PCDH15: variants seen among roughly 807,000 people sequenced by gnomAD.
PCDH15 encodes the protein protocadherin related 15.
In PCDH15, 129 loss-of-function variants were observed where a neutral mutation model predicts 178.5. The observed-to-expected ratio is 0.72, with a 90% CI of 0.63 to 0.84. The LOEUF (loss-of-function observed/expected upper bound fraction) is 0.84. Ranked by LOEUF, PCDH15 falls within the 40% of genes least tolerant of loss-of-function variation. The pLI is 0.00. For missense variants in PCDH15, 2,230 were observed against 2,099.9 expected (o/e 1.06, Z -1.21); for synonymous variants, 800 against 732.0 (o/e 1.09, Z -1.50).
intron 1 of PCDH15, among the ~76,000 whole-genome samples, chr10:55,219,764 G>T (rs1366837388): frequency 6.6e-6 from 1 of 151,692 alleles, no homozygotes; most frequent in East Asian, 1.9e-4. Context: ...CTAACATAAT[G>T]TAATTGTTTA....
chr10:54,037,964 G>A (rs1017516370), intron 18 of PCDH15, among the ~76,000 whole-genome samples: 4 of 151,928 alleles, frequency 2.6e-5, no homozygotes, highest in Admixed American at 6.6e-5. Context: ...TCTGTGCAGA[G>A]TTGGATGAGT....
chr10:54,577,842 C>CTAAA lies in PCDH15; in HGVS notation c.92-49969_92-49966dup, dbSNP rs751728529. Among the ~76,000 whole-genome samples, 45 of 144,876 alleles carry CTAAA rather than the reference C, an allele frequency of 3.1e-4. 1 individual carries two copies. Among genetic ancestry groups the CTAAA allele is most frequent in the African/African-American group, 1.1e-3 (43 of 39,148 alleles). On this transcript the variant is annotated intron_variant, in intron 2 of 37. Coordinates refer to ENST00000644397, the MANE Select transcript of PCDH15 (RefSeq NM_001384140.1). ...CCTTGAGGCCAGTTCCTGTTTAAGC[C>CTAAA]TAAATAAATGAATAAATAAATAAAT...
At chr10:54,498,643 T>C (rs2080352886) in intron 3 of PCDH15, among the ~76,000 whole-genome samples, 1 of 152,120 alleles carries the variant, frequency 6.6e-6, no homozygotes, top group Non-Finnish European at 1.5e-5. Context: ...CCTATTCTTA[T>C]TACAGACAGA....
At chr10:55,088,418 G>T (rs1027337251) in intron 2 of PCDH15, among the ~76,000 whole-genome samples, 2 of 151,790 alleles carry the variant, frequency 1.3e-5, no homozygotes, top group African/African-American at 4.8e-5. Flanking sequence ...ACAGTTGTGC[G>T]CCACCATGCC....
chr10:54,697,752 G>A (rs1038996343), intron 1 of PCDH15, among the ~76,000 whole-genome samples: 2 of 150,722 alleles, frequency 1.3e-5, no homozygotes, highest in African/African-American at 4.9e-5. Flanking sequence ...GGAAGGCAAG[G>A]AAGGCCGGCA....
chr10:55,114,145 G>C (rs576423618), intron 2 of PCDH15, among the ~76,000 whole-genome samples: 5 of 152,066 alleles, frequency 3.3e-5, no homozygotes, highest in Non-Finnish European at 7.4e-5. Context: ...TAGAGACGGG[G>C]TTTCACCGTG....
intron 2 of PCDH15, among the ~76,000 whole-genome samples, chr10:55,451,141 T>C (rs1319921296): frequency 6.6e-6 from 1 of 151,954 alleles, no homozygotes; most frequent in Non-Finnish European, 1.5e-5. Flanking sequence ...CTAGAGCCCA[T>C]GCTCTTTTCA....
At chr10:54,018,259 C>A (rs1294910805) in intron 20 of PCDH15, among the ~76,000 whole-genome samples, 1 of 151,968 alleles carries the variant, frequency 6.6e-6, no homozygotes, top group African/African-American at 2.4e-5. Flanking sequence ...AATAGCTTTG[C>A]TATTGTAGTA....
At chr10:54,408,068 A>AAAAAAT (rs1952931894) in intron 3 of PCDH15, among the ~76,000 whole-genome samples, 1 of 151,436 alleles carries the variant, frequency 6.6e-6, no homozygotes, top group Non-Finnish European at 1.5e-5. Flanking sequence ...AAAAAAAAAA[A>AAAAAAT]AAGGAAAAGG....
At chr10:54,456,745 T>C (rs2076850354) in intron 3 of PCDH15, among the ~76,000 whole-genome samples, 1 of 152,174 alleles carries the variant, frequency 6.6e-6, no homozygotes, top group South Asian at 2.1e-4. Context: ...GTTCCCATAA[T>C]CTTCACATGT....
At chr10:54,799,043 A>G (rs1481818498) in intron 1 of PCDH15, among the ~76,000 whole-genome samples, 1 of 152,136 alleles carries the variant, frequency 6.6e-6, no homozygotes, top group Non-Finnish European at 1.5e-5. Flanking sequence ...TCTAAGGAGT[A>G]AAAGTCCTCA....
At chr10:53,972,154 C>G (rs2089758543) in intron 21 of PCDH15, among the ~76,000 whole-genome samples, 1 of 152,162 alleles carries the variant, frequency 6.6e-6, no homozygotes, top group Admixed American at 6.5e-5. Flanking sequence ...ACCATCTGAT[C>G]TTTGACGAAT....
At position 54,669,425 on chromosome 10, in the gene PCDH15, T is replaced by G. The variant is rs1307138987; in HGVS notation, c.-28-5135A>C. ...CAATTTTATAGTACATTTATACATA[T>G]TTATATATAAAATTATGTTACATAG... On this transcript the variant is annotated intron_variant, in intron 1 of 37. Transcript: ENST00000644397. Among the ~76,000 whole-genome samples the G allele has an allele frequency of 3.3e-5, 5 of 151,148 alleles. No individual in the cohort carries two copies. In the Admixed American group the frequency reaches 3.3e-4, roughly 10 times the overall value.
At chr10:54,631,773 C>A (rs368226122) in intron 2 of PCDH15, among the ~76,000 whole-genome samples, 2 of 152,138 alleles carry the variant, frequency 1.3e-5, no homozygotes, top group East Asian at 3.9e-4. Context: ...TGGTAGAAGA[C>A]AAATGGGAAG....
chr10:54,213,905 C>T (rs768717041), intron 10 of PCDH15, 31 bp downstream of exon 10: 5 of 1,373,976 alleles, frequency 3.6e-6, no homozygotes, highest in East Asian at 4.6e-5. Context: ...AGTTCATAAA[C>T]ACAAGGAAAT....
intron 25 of PCDH15, among the ~76,000 whole-genome samples, chr10:53,930,449 C>A (rs2084949290): frequency 2.3e-5 from 2 of 85,470 alleles, no homozygotes; most frequent in Admixed American, 4.3e-4. Context: ...CAGAGTGAGA[C>A]TCCCTCTCAA....
At chr10:54,271,378 T>C (rs760358086) in intron 8 of PCDH15, among the ~76,000 whole-genome samples, 16 of 152,008 alleles carry the variant, frequency 1.1e-4, no homozygotes, top group Non-Finnish European at 2.2e-4. Flanking sequence ...GCCCGGCTAA[T>C]TTTTGTACTT....
chr10:54,664,119 GTAA>G, intron 2 of PCDH15, 50 bp downstream of exon 2: 1 of 1,295,754 alleles, frequency 7.7e-7, no homozygotes, highest in Non-Finnish European at 1.1e-6. Flanking sequence ...TATTTTCAAT[GTAA>G]TAATAAAAAT....
intron 2 of PCDH15, among the ~76,000 whole-genome samples, chr10:55,387,631 ATAT>A (rs1212762707): frequency 6.6e-6 from 1 of 152,118 alleles, no homozygotes; most frequent in Non-Finnish European, 1.5e-5. Context: ...TTGTTTGAAT[ATAT>A]TTTGACTATG....
Sources: allele counts gnomAD v4.1 joint callset (sites outside exome capture counted in the v4.1 genomes callset), GRCh38; gene constraint gnomAD v4.1.1; transcripts MANE v1.5; gene names NCBI Gene and HGNC (gene_info 2026-07-23, HGNC 2026-07-21).